The following EXOC6 variants were observed in gnomAD, a reference collection of about 807,000 sequenced individuals.
The protein encoded by EXOC6 is SEC15-like 1.
EXOC6 carries 60 observed loss-of-function variants against 112.5 expected under a neutral mutation model. That is an observed-to-expected ratio of 0.53 (90% CI 0.43 to 0.66). The LOEUF is 0.66. EXOC6 is among the 30% of genes least tolerant of loss of function. EXOC6 has a pLI of 0.00. For missense variants in EXOC6, 855 were observed against 957.1 expected (o/e 0.89, Z 1.41); for synonymous variants, 295 against 308.0 (o/e 0.96, Z 0.44).
At chr10:92,975,540 C>G (rs1021165728) in intron 18 of EXOC6, among the ~76,000 whole-genome samples, 1 of 147,668 alleles carries the variant, frequency 6.8e-6, no homozygotes, top group Non-Finnish European at 1.5e-5. Context: ...GGTCAGCCCC[C>G]CAGCCGCCCC....
intron 20 of EXOC6, among the ~76,000 whole-genome samples, chr10:93,042,899 C>T (rs1199621276): frequency 1.3e-5 from 2 of 150,950 alleles, no homozygotes; most frequent in African/African-American, 4.9e-5. Context: ...CATTCTGAAG[C>T]ACCATAATCA....
chr10:92,842,379 G>A (rs1453647164), intron 1 of EXOC6, among the ~76,000 whole-genome samples: 6 of 147,192 alleles, frequency 4.1e-5, no homozygotes, highest in Admixed American at 6.8e-5. Context: ...AAAAAAAAAA[G>A]GGTAAGGAAT....
At chr10:92,896,145 GTGTATATATATATA>G (rs1564809860) in intron 4 of EXOC6, among the ~76,000 whole-genome samples, 1 of 20,308 alleles carries the variant, frequency 4.9e-5, no homozygotes, top group African/African-American at 3.0e-4. Context: ...GTGTATGTAT[GTGTATATATATATA>G]TATATATATA....
chr10:92,848,447 C>G (rs1847144211), upstream of EXOC6: 1 of 1,025,602 alleles, frequency 9.8e-7, no homozygotes, highest in African/African-American at 1.7e-5. Flanking sequence ...CGCCCCCGCC[C>G]CGCCCCTTCG....
chr10:93,030,600 A>T (rs1271861278), intron 20 of EXOC6, among the ~76,000 whole-genome samples: 1 of 152,194 alleles, frequency 6.6e-6, no homozygotes, highest in African/African-American at 2.4e-5. Context: ...TCAAATCCTA[A>T]CAGTTGTTGG....
intron 8 of EXOC6, among the ~76,000 whole-genome samples, chr10:92,926,759 C>G (rs1697602651): frequency 6.6e-6 from 1 of 152,106 alleles, no homozygotes; most frequent in Non-Finnish European, 1.5e-5. Context: ...GTCTCAAACT[C>G]CTGGCCTCAA....
intron 1 of EXOC6, among the ~76,000 whole-genome samples, chr10:92,878,962 C>A (rs1222672128): frequency 6.6e-6 from 1 of 152,110 alleles, no homozygotes; most frequent in Non-Finnish European, 1.5e-5. Context: ...GTATGTATTT[C>A]AGGGGGTTCT....
At chr10:92,843,799 C>T (rs1447045579), upstream of EXOC6, among the ~76,000 whole-genome samples, 2 of 151,800 alleles carry the variant, frequency 1.3e-5, no homozygotes, top group Non-Finnish European at 2.9e-5. Context: ...ACCAGCCTGG[C>T]CAAGATGGTG....
At chr10:92,988,494 C>G (rs1445263964) in intron 18 of EXOC6, among the ~76,000 whole-genome samples, 1 of 152,166 alleles carries the variant, frequency 6.6e-6, no homozygotes, top group Non-Finnish European at 1.5e-5. Flanking sequence ...TCTCTACCAA[C>G]AGTGTCTCCT....
chr10:92,833,194 A>G (rs1319559707), upstream of EXOC6, among the ~76,000 whole-genome samples: 2 of 152,086 alleles, frequency 1.3e-5, no homozygotes, highest in Non-Finnish European at 2.9e-5. Context: ...GTCATTTAGT[A>G]TTGCTCTTGT....
At chr10:92,910,852 C>T (rs913075681) in intron 6 of EXOC6, among the ~76,000 whole-genome samples, 10 of 152,114 alleles carry the variant, frequency 6.6e-5, no homozygotes, top group Non-Finnish European at 1.3e-4. Flanking sequence ...TGGCGTGAAC[C>T]CAGGAAGCGG....
At chr10:93,017,358 A>C (rs1844574531) in intron 20 of EXOC6, among the ~76,000 whole-genome samples, 1 of 151,784 alleles carries the variant, frequency 6.6e-6, no homozygotes, top group Non-Finnish European at 1.5e-5. Flanking sequence ...TGGAAGGCTG[A>C]GGCGGGTGGA....
chr10:92,961,458 G>T (rs1018084457), intron 17 of EXOC6, among the ~76,000 whole-genome samples: 1 of 151,994 alleles, frequency 6.6e-6, no homozygotes, highest in Non-Finnish European at 1.5e-5. Context: ...AATCCTAAAA[G>T]GTAAGTTAGA....
At chr10:92,974,810 C>G (rs927308885) in intron 18 of EXOC6, among the ~76,000 whole-genome samples, 1 of 152,146 alleles carries the variant, frequency 6.6e-6, no homozygotes, top group Non-Finnish European at 1.5e-5. Flanking sequence ...GCGAGTGATC[C>G]GCCAGCCTCG....
chr10:93,027,050 T>C (rs1845059795), intron 20 of EXOC6, among the ~76,000 whole-genome samples: 1 of 152,274 alleles, frequency 6.6e-6, no homozygotes, highest in Admixed American at 6.5e-5. Context: ...AAATTAAAAG[T>C]GCTACTCCAG....
At chr10:92,942,097 T>C (rs544114036) in intron 13 of EXOC6, among the ~76,000 whole-genome samples, 1 of 152,274 alleles carries the variant, frequency 6.6e-6, no homozygotes, top group South Asian at 2.1e-4. Context: ...AATACTGTAA[T>C]AGAAATTTTC....
chr10:93,028,504 G>C (rs1020431815), intron 20 of EXOC6, among the ~76,000 whole-genome samples: 4 of 151,966 alleles, frequency 2.6e-5, no homozygotes, highest in Non-Finnish European at 5.9e-5. Context: ...GTTTTTTTGA[G>C]ATGGAATCTA....
chr10:92,871,894 G>A (rs1397765960), intron 1 of EXOC6, among the ~76,000 whole-genome samples: 2 of 151,910 alleles, frequency 1.3e-5, no homozygotes, highest in Non-Finnish European at 2.9e-5. Flanking sequence ...AGTATTTTTT[G>A]TATTTAAATT....
intron 20 of EXOC6, among the ~76,000 whole-genome samples, chr10:93,042,589 TA>T (rs1845831118): frequency 6.6e-6 from 1 of 152,192 alleles, no homozygotes. Context: ...GCTTGATTTT[TA>T]AAAACCTGGG....
Sources: gnomAD v4.1 joint callset for allele counts (sites outside exome capture counted in the v4.1 genomes callset) on GRCh38, gnomAD v4.1.1 for gene constraint, MANE v1.5 for transcripts, NCBI Gene and HGNC (gene_info 2026-07-23, HGNC 2026-07-21) for gene names.